SNX29: variants seen among roughly 807,000 people sequenced by gnomAD.
The protein encoded by SNX29 is sorting nexin-29.
In SNX29, 78 loss-of-function variants were observed where a neutral mutation model predicts 102.1. The observed-to-expected ratio is 0.76, with a 90% CI of 0.64 to 0.92. The LOEUF is 0.92. SNX29 is among the 40% of genes least tolerant of loss of function. SNX29 has a pLI of 0.00. For missense variants in SNX29, 1,280 were observed against 1,061.7 expected (o/e 1.21, Z -2.86); for synonymous variants, 580 against 414.5 (o/e 1.40, Z -4.85).
At chr16:12,101,150 C>T (rs2052992296) in intron 11 of SNX29, among the ~76,000 whole-genome samples, 1 of 152,136 alleles carries the variant, frequency 6.6e-6, no homozygotes, top group African/African-American at 2.4e-5. Context: ...TTACCAGTTT[C>T]CTGCTGGAAT....
intron 11 of SNX29, 92 bp downstream of exon 11, chr16:12,079,007 G>C (rs2051730844): frequency 9.0e-7 from 1 of 1,107,820 alleles, no homozygotes; most frequent in African/African-American, 1.6e-5. Context: ...CCCTGTGACT[G>C]TGGGTTCACG....
intron 19 of SNX29, among the ~76,000 whole-genome samples, chr16:12,507,656 A>C (rs2089436914): frequency 6.6e-6 from 1 of 152,180 alleles, no homozygotes; most frequent in Admixed American, 6.6e-5. Flanking sequence ...TCTGGACTGA[A>C]GCTGGAATGA....
intron 18 of SNX29, among the ~76,000 whole-genome samples, chr16:12,406,128 A>G (rs1229619930): frequency 6.6e-6 from 1 of 152,214 alleles, no homozygotes; most frequent in Non-Finnish European, 1.5e-5. Context: ...AGAGGTTAAA[A>G]AAAATACATC....
chr16:12,284,133 C>T (rs1242080062), intron 15 of SNX29, among the ~76,000 whole-genome samples: 1 of 152,222 alleles, frequency 6.6e-6, no homozygotes, highest in East Asian at 1.9e-4. Flanking sequence ...GTCTTCACAA[C>T]AATGTGAAGT....
chr16:12,078,544 C>G (rs1272634331), intron 10 of SNX29, among the ~76,000 whole-genome samples: 1 of 152,168 alleles, frequency 6.6e-6, no homozygotes, highest in Non-Finnish European at 1.5e-5. Context: ...TCGACTTCAG[C>G]TGAGATTATG....
intron 15 of SNX29, among the ~76,000 whole-genome samples, chr16:12,342,642 A>C (rs2081643292): frequency 6.6e-6 from 1 of 152,218 alleles, no homozygotes; most frequent in Admixed American, 6.5e-5. Context: ...TGGCTCATTT[A>C]GTCCTCATAA....
At chr16:12,070,458 G>A (rs12708744) in intron 10 of SNX29, among the ~76,000 whole-genome samples, 18,916 of 151,424 alleles carry the variant, frequency 0.12, 1,264 homozygotes, top group South Asian at 0.28. Flanking sequence ...ATAGTTTACC[G>A]AGAATGATGA....
At chr16:12,217,010 T>G (rs2077342283) in intron 14 of SNX29, among the ~76,000 whole-genome samples, 1 of 152,164 alleles carries the variant, frequency 6.6e-6, no homozygotes, top group African/African-American at 2.4e-5. Flanking sequence ...GAATGGGTAT[T>G]AGGGGACACC....
intron 11 of SNX29, among the ~76,000 whole-genome samples, chr16:12,109,144 A>AG (rs1555461962): frequency 1.5e-5 from 2 of 130,562 alleles, no homozygotes; most frequent in South Asian, 2.4e-4. Context: ...AAAAAAAAAA[A>AG]AAAAAAAAAA....
intron 19 of SNX29, among the ~76,000 whole-genome samples, chr16:12,508,838 G>C (rs2089488716): frequency 6.6e-6 from 1 of 152,148 alleles, no homozygotes. Context: ...CCTACCCTGA[G>C]GGAGCTTTCT....
At chr16:12,125,603 C>CTTTTTTTTTTTTTTTTTTTTTTTTTTTTT (rs1273937330) in intron 11 of SNX29, among the ~76,000 whole-genome samples, 2 of 71,496 alleles carry the variant, frequency 2.8e-5, no homozygotes, top group South Asian at 5.7e-4. Flanking sequence ...GCTGAGATCT[C>CTTTTTTTTTTTTTTTTTTTTTTTTTTTTT]TCTTTTTTTT....
intron 15 of SNX29, among the ~76,000 whole-genome samples, chr16:12,315,131 TG>T (rs1294045114): frequency 2.0e-5 from 3 of 152,328 alleles, no homozygotes; most frequent in Non-Finnish European, 4.4e-5. Context: ...TGTCTCCTTT[TG>T]TCTCAGGGGA....
intron 18 of SNX29, among the ~76,000 whole-genome samples, chr16:12,430,662 C>T (rs1411216572): frequency 2.0e-5 from 3 of 152,146 alleles, no homozygotes; most frequent in African/African-American, 4.8e-5. Flanking sequence ...TAATATAGCT[C>T]ATTCTGAATA....
intron 7 of SNX29, among the ~76,000 whole-genome samples, chr16:12,049,612 C>T (rs1290175672): frequency 2.0e-5 from 3 of 151,438 alleles, no homozygotes; most frequent in Non-Finnish European, 2.9e-5. Flanking sequence ...GGATTACAGG[C>T]GTGAGCCACT....
At chr16:12,334,476 A>T (rs1206534238) in intron 15 of SNX29, among the ~76,000 whole-genome samples, 2 of 152,134 alleles carry the variant, frequency 1.3e-5, no homozygotes, top group Non-Finnish European at 2.9e-5. Flanking sequence ...GATTTCACTT[A>T]ATCTTGATGC....
chr16:12,072,765 GTC>G (rs2051361975), intron 10 of SNX29, among the ~76,000 whole-genome samples: 1 of 151,120 alleles, frequency 6.6e-6, no homozygotes, highest in African/African-American at 2.5e-5. Flanking sequence ...CCTTGTACCT[GTC>G]GTAGAATTCG....
At chr16:12,541,641 G>A (rs7500082) in intron 20 of SNX29, among the ~76,000 whole-genome samples, 16 of 151,886 alleles carry the variant, frequency 1.1e-4, no homozygotes, top group South Asian at 2.1e-4. Context: ...TCGCATCTTC[G>A]TTCAGCCAGC....
intron 18 of SNX29, among the ~76,000 whole-genome samples, chr16:12,417,694 GTCCTCTCTTCTCTT>G (rs528011271): frequency 2.4e-3 from 361 of 150,864 alleles, no homozygotes; most frequent in African/African-American, 7.8e-3. Flanking sequence ...CCTGTTCTGT[GTCCTCTCTTCTCTT>G]TCCTCTCTTC....
intron 13 of SNX29, among the ~76,000 whole-genome samples, chr16:12,140,916 C>A (rs350272): frequency 0.63 from 95,503 of 151,996 alleles, 30,635 homozygotes; most frequent in East Asian, 0.91. Context: ...GCGAATATAA[C>A]CTACTTATAC....
Sources: gnomAD v4.1 joint callset for allele counts (sites outside exome capture counted in the v4.1 genomes callset) on GRCh38, gnomAD v4.1.1 for gene constraint, MANE v1.5 for transcripts, NCBI Gene and HGNC (gene_info 2026-07-23, HGNC 2026-07-21) for gene names.